Variants in RBM20 observed in about 807,000 individuals in gnomAD.
The protein encoded by RBM20 is RNA-binding protein 20.
A neutral mutation model predicts 110.1 loss-of-function variants in RBM20; 51 were observed. The observed-to-expected ratio is 0.46, with a 90% CI of 0.37 to 0.59. The LOEUF (loss-of-function observed/expected upper bound fraction) is 0.59. RBM20 is among the 20% of genes least tolerant of loss of function. RBM20 has a pLI of 0.00. For synonymous variants in RBM20, 589 were observed against 618.2 expected, an observed-to-expected ratio of 0.95 and a Z score of 0.70; for missense variants, 1,512 against 1,574.9, an observed-to-expected ratio of 0.96 and a Z score of 0.68.
In RBM20 at chr10:110,764,692, T is replaced by C. The variant is rs529054461; in HGVS notation, c.192-16109T>C. On this transcript the variant is annotated intron_variant, in intron 1 of 13. Transcript: ENST00000369519. ...GAGTTTGAGTGAAGGCTTGTCATGATTGGCATGCAGAAAGCTGGTAGAATG... is the reference window on the plus strand; with the variant it reads ...GAGTTTGAGTGAAGGCTTGTCATGACTGGCATGCAGAAAGCTGGTAGAATG... 2.6e-5 allele frequency among the ~76,000 whole-genome samples: 4 copies of C among 152,290 alleles called. No individual in the cohort carries two copies. In the East Asian group the frequency reaches 7.7e-4, roughly 29 times the overall value.
At chr10:110,692,879 A>C (rs75609889) in intron 1 of RBM20, among the ~76,000 whole-genome samples, 2 of 151,952 alleles carry the variant, frequency 1.3e-5, no homozygotes, top group Non-Finnish European at 1.5e-5. Context: ...ACCATTGAGT[A>C]TGATGTTAGC....
chr10:110,809,014 A>G (rs1052293231), intron 7 of RBM20, among the ~76,000 whole-genome samples: 2 of 152,002 alleles, frequency 1.3e-5, no homozygotes, highest in African/African-American at 4.8e-5. Flanking sequence ...CGGGCGTTCA[A>G]GACCAGCCCT....
chr10:110,662,520 G>A (rs1490398185), intron 1 of RBM20, among the ~76,000 whole-genome samples: 1 of 152,222 alleles, frequency 6.6e-6, no homozygotes, highest in Non-Finnish European at 1.5e-5. Context: ...ATTTTGGAAG[G>A]ATTAAAGAAA....
At chr10:110,746,118 G>A (rs2000114) in intron 1 of RBM20, among the ~76,000 whole-genome samples, 32,818 of 152,076 alleles carry the variant, frequency 0.22, 4,568 homozygotes, top group East Asian at 0.45. Flanking sequence ...GGGACCTCAG[G>A]AGAAATGGAG....
At chr10:110,677,602 G>A (rs1862357945) in intron 1 of RBM20, among the ~76,000 whole-genome samples, 1 of 152,212 alleles carries the variant, frequency 6.6e-6, no homozygotes, top group African/African-American at 2.4e-5. Flanking sequence ...ACAGGCGTGA[G>A]CCACCGCGCC....
intron 1 of RBM20, among the ~76,000 whole-genome samples, chr10:110,659,114 A>G (rs1862064369): frequency 6.6e-6 from 1 of 152,198 alleles, no homozygotes; most frequent in Non-Finnish European, 1.5e-5. Context: ...CTTTCAATCT[A>G]ACTGACTTGG....
intron 1 of RBM20, among the ~76,000 whole-genome samples, chr10:110,733,822 G>C (rs890102288): frequency 4.6e-5 from 7 of 152,164 alleles, no homozygotes; most frequent in African/African-American, 1.7e-4. Context: ...CAAGGTAATG[G>C]ACATGTTTTA....
chr10:110,810,510 A>G (rs2135100137), intron 8 of RBM20, 48 bp downstream of exon 8: 1 of 1,333,166 alleles, frequency 7.5e-7, no homozygotes. Flanking sequence ...GGCAGTGGGA[A>G]CAGACTCCTG....
At chr10:110,833,093 G>C (rs1222458776) in intron 13 of RBM20, among the ~76,000 whole-genome samples, 1 of 152,046 alleles carries the variant, frequency 6.6e-6, no homozygotes, top group Non-Finnish European at 1.5e-5. Flanking sequence ...GCATCTTTTT[G>C]AAATGCAGCT....
chr10:110,651,910 CTT>C (rs1861954947), intron 1 of RBM20, among the ~76,000 whole-genome samples: 1 of 152,132 alleles, frequency 6.6e-6, no homozygotes, highest in African/African-American at 2.4e-5. Context: ...TGTGGAGAAA[CTT>C]TATTTGGTAT....
chr10:110,644,323 G>C (rs945791802), upstream of RBM20: 3 of 615,520 alleles, frequency 4.9e-6, no homozygotes, highest in African/African-American at 5.8e-5. The surrounding 1 kb of genome is among the most constrained non-coding windows in gnomAD (Gnocchi z 4.3). Flanking sequence ...CCCGCCCCTC[G>C]CGTCTCCTCC....
intron 1 of RBM20, among the ~76,000 whole-genome samples, chr10:110,655,759 T>C (rs1408591210): frequency 6.6e-6 from 1 of 152,200 alleles, no homozygotes; most frequent in African/African-American, 2.4e-5. Context: ...ATCCATAAAC[T>C]GGGGAAGGAT....
rs562230546 is a variant in RBM20 at position 110,684,755 on chromosome 10, T to TC, written c.191+40110_191+40111insC. On this transcript the variant is annotated intron_variant, in intron 1 of 13. Transcript: ENST00000369519. ...GATGAAAAGTGAGGATTTTAATACT[T>TC]TAAAAAAATTTACAAGAGAAAATCG... Among the ~76,000 whole-genome samples the TC allele has an allele frequency of 2.0e-3, 300 of 152,276 alleles. 1 individual carries two copies. The highest frequency in any genetic ancestry group is 7.0e-3 in the African/African-American group (289 of 41,552).
chr10:110,752,945 A>ATATATATATATATTT (rs1433992064), intron 1 of RBM20, among the ~76,000 whole-genome samples: 3 of 109,014 alleles, frequency 2.8e-5, no homozygotes, highest in African/African-American at 3.8e-5. Context: ...ATATATATAT[A>ATATATATATATATTT]TTTTTTTTTT....
chr10:110,821,989 C>A, intron 11 of RBM20, 54 bp downstream of exon 11: 1 of 1,470,634 alleles, frequency 6.8e-7, no homozygotes, highest in Non-Finnish European at 9.3e-7. Flanking sequence ...CTCCTGCTCA[C>A]CTGATAAAGT....
intron 1 of RBM20, among the ~76,000 whole-genome samples, chr10:110,676,747 C>T (rs1862345089): frequency 6.6e-6 from 1 of 152,074 alleles, no homozygotes; most frequent in Admixed American, 6.5e-5. Context: ...GTCCCTGTAT[C>T]GTTGATATAA....
intron 1 of RBM20, among the ~76,000 whole-genome samples, chr10:110,705,392 T>G (rs955908485): frequency 6.6e-6 from 1 of 152,248 alleles, no homozygotes; most frequent in Non-Finnish European, 1.5e-5. Context: ...ACATCTGAAT[T>G]AGCATCTGAT....
In RBM20 at chr10:110,781,111, G is replaced by A; in HGVS notation, c.502G>A (p.Ala168Thr). Residue 168 changes from alanine (A) to threonine (T), a missense_variant, in exon 2 of 14, where the codon GCA becomes ACA. Physicochemically the swap from Ala to Thr is moderately conservative, Grantham distance 58 (BLOSUM62 0). Around this residue, in one of 3 missense-constraint regions of RBM20, gnomAD observed 1,149 missense variants for 1,169.4 expected, o/e 0.98. Transcript: ENST00000369519. Reference protein sequence around the residue: ...AIPSTRFPSNAIAFSPPSQTR... With the variant: ...AIPSTRFPSNTIAFSPPSQTR... ...ACCCAGTACCCGGTTTCCCTCTAAT[G>A]CAATTGCCTTTTCACCCCCCAGCCA... 1 of 1,551,846 alleles carries A rather than the reference G, an allele frequency of 6.4e-7. No homozygotes were observed. The highest frequency in any genetic ancestry group is 2.0e-5 in the Admixed American group (1 of 51,000).
chr10:110,711,880 T>C (rs1483451333), intron 1 of RBM20, among the ~76,000 whole-genome samples: 1 of 152,098 alleles, frequency 6.6e-6, no homozygotes, highest in African/African-American at 2.4e-5. Context: ...ATTGTATCCT[T>C]TTTTTTTCTC....
Sources: gnomAD v4.1 joint callset for allele counts (sites outside exome capture counted in the v4.1 genomes callset) on GRCh38, gnomAD v4.1.1 for gene constraint, gnomAD v4.1.1 regional missense constraint, Gnocchi (gnomAD v3.1) non-coding constraint, MANE v1.5 for transcripts, NCBI Gene and HGNC (gene_info 2026-07-23, HGNC 2026-07-21) for gene names.